NPAS3: variants seen among roughly 807,000 people sequenced by gnomAD.
NPAS3 encodes the protein neuronal PAS domain-containing protein 3.
In NPAS3, 14 loss-of-function variants were observed where a neutral mutation model predicts 73.1. The ratio of observed to expected loss-of-function variants is 0.19; its 90% CI spans 0.13 to 0.30. NPAS3 has a LOEUF of 0.30. Ranked by LOEUF, NPAS3 falls within the 10% of genes least tolerant of loss-of-function variation. The probability of loss-of-function intolerance (pLI) is 1.00; values close to 1 mark genes in which losing one functional copy is unlikely to be tolerated. For missense variants in NPAS3, 1,096 were observed against 1,250.0 expected, an observed-to-expected ratio of 0.88 and a Z score of 1.86; for synonymous variants, 620 against 541.5, an observed-to-expected ratio of 1.14 and a Z score of -2.01.
At chr14:33,036,468 A>T (rs1335743443) in intron 1 of NPAS3, among the ~76,000 whole-genome samples, 1 of 152,170 alleles carries the variant, frequency 6.6e-6, no homozygotes, top group Non-Finnish European at 1.5e-5. Context: ...ACACCTAAAG[A>T]TAGTAGAAAG....
At chr14:33,799,963 G>A (rs1318944037) in exon 12 of NPAS3, 5 of 1,613,966 alleles carry the variant, frequency 3.1e-6, no homozygotes, top group Middle Eastern at 3.3e-4. Context: ...CTCTGGGCGC[G>A]ATGCAGATCA....
chr14:33,197,215 C>T (rs1249408904), intron 2 of NPAS3, among the ~76,000 whole-genome samples: 42 of 148,398 alleles, frequency 2.8e-4, no homozygotes, highest in Admixed American at 2.8e-3. Flanking sequence ...AGCATGTCTG[C>T]TCTGGGATGC....
chr14:32,975,298 C>G (rs61980335), intron 1 of NPAS3, among the ~76,000 whole-genome samples: 3 of 17,438 alleles, frequency 1.7e-4, no homozygotes, highest in Non-Finnish European at 3.4e-4. Context: ...CCTTCCCTCC[C>G]TCCCTCCCTG....
chr14:32,987,066 C>T (rs2038129422), intron 1 of NPAS3, among the ~76,000 whole-genome samples: 3 of 152,106 alleles, frequency 2.0e-5, no homozygotes, highest in Admixed American at 2.0e-4. Flanking sequence ...AAACGTCTTT[C>T]ATGAAACTAT....
intron 4 of NPAS3, among the ~76,000 whole-genome samples, chr14:33,470,531 C>T (rs2050734344): frequency 6.6e-6 from 1 of 152,074 alleles, no homozygotes; most frequent in South Asian, 2.1e-4. Context: ...ATAGAAATAA[C>T]CAAGGAATAG....
intron 4 of NPAS3, among the ~76,000 whole-genome samples, chr14:33,455,768 A>G (rs1161615883): frequency 6.6e-6 from 1 of 152,220 alleles, no homozygotes; most frequent in Non-Finnish European, 1.5e-5. Context: ...ACATGATTAA[A>G]CAGGATGTTA....
In NPAS3 at chr14:33,112,152, C is replaced by T. The variant is rs2042917448; in HGVS notation, c.140+56158C>T. On this transcript the variant is annotated intron_variant, in intron 2 of 11. Transcript: ENST00000356141. ...CATACGTGTGCATGTGTCTTTATAG[C>T]AGCATGATTTATAATCCTTTGGGTA... is the stretch of plus-strand genomic sequence containing the variant. 2.0e-5 allele frequency among the ~76,000 whole-genome samples: 3 copies of T among 152,198 alleles called. No homozygotes were observed. The South Asian group carries it at 6.2e-4, about 32-fold the overall frequency.
chr14:33,758,849 G>T (rs185881526), intron 7 of NPAS3, among the ~76,000 whole-genome samples: 1 of 152,188 alleles, frequency 6.6e-6, no homozygotes, highest in Non-Finnish European at 1.5e-5. Context: ...TAATTTGAAG[G>T]TAATTTCCTG....
chr14:33,245,428 C>T (rs965029858), intron 3 of NPAS3, among the ~76,000 whole-genome samples: 2 of 152,252 alleles, frequency 1.3e-5, no homozygotes, highest in East Asian at 1.9e-4. Flanking sequence ...ACTTATATGA[C>T]GTAGGGTTCT....
intron 1 of NPAS3, among the ~76,000 whole-genome samples, chr14:33,026,449 C>T (rs1309836273): frequency 6.6e-6 from 1 of 152,156 alleles, no homozygotes; most frequent in Admixed American, 6.5e-5. Flanking sequence ...ATTCAGTTAA[C>T]TTCGGTTCAT....
intron 2 of NPAS3, among the ~76,000 whole-genome samples, chr14:33,203,381 G>A (rs867042893): frequency 6.6e-6 from 1 of 152,132 alleles, no homozygotes; most frequent in Admixed American, 6.5e-5. Flanking sequence ...TGTGCACAAT[G>A]TGCCAGTTAG....
intron 4 of NPAS3, among the ~76,000 whole-genome samples, chr14:33,422,702 T>C (rs1405735414): frequency 1.3e-5 from 2 of 151,896 alleles, no homozygotes; most frequent in Non-Finnish European, 1.5e-5. Context: ...GTTGAATGAA[T>C]TAACTTCTTA....
At chr14:33,451,826 A>G (rs776602793) in intron 4 of NPAS3, among the ~76,000 whole-genome samples, 3 of 152,198 alleles carry the variant, frequency 2.0e-5, no homozygotes, top group Non-Finnish European at 4.4e-5. Flanking sequence ...TAGAAGTTCT[A>G]TAGCAAGATT....
upstream of NPAS3, among the ~76,000 whole-genome samples, chr14:32,938,485 TTGAGAGAGAGAGAG>T (rs2035785349): frequency 2.8e-4 from 6 of 21,746 alleles, no homozygotes; most frequent in African/African-American, 1.3e-3. Flanking sequence ...GAGAGAGAAA[TTGAGAGAGAGAGAG>T]AGAGAGAGAG....
intron 5 of NPAS3, among the ~76,000 whole-genome samples, chr14:33,611,523 A>G (rs1333011850): frequency 6.7e-6 from 1 of 150,274 alleles, no homozygotes; most frequent in Non-Finnish European, 1.5e-5. Flanking sequence ...ATATAAAATG[A>G]AAGGGGAGTC....
intron 3 of NPAS3, among the ~76,000 whole-genome samples, chr14:33,265,532 G>T (rs913014981): frequency 1.3e-5 from 2 of 152,000 alleles, no homozygotes; most frequent in Admixed American, 1.3e-4. Flanking sequence ...AGCAAATAAA[G>T]TAAAAGCTAA....
chr14:33,162,655 T>C (rs1018903197), intron 2 of NPAS3, among the ~76,000 whole-genome samples: 2 of 151,314 alleles, frequency 1.3e-5, no homozygotes, highest in Admixed American at 1.3e-4. Context: ...AAACATCAAC[T>C]TTTCGTTAAA....
chr14:33,209,039 G>A (rs1281076691), intron 2 of NPAS3, among the ~76,000 whole-genome samples: 1 of 152,152 alleles, frequency 6.6e-6, no homozygotes, highest in African/African-American at 2.4e-5. Context: ...CATTAGTTAA[G>A]CAGCAGAGTT....
chr14:33,141,666 ATCC>A (rs1199802856), intron 2 of NPAS3, among the ~76,000 whole-genome samples: 6 of 152,234 alleles, frequency 3.9e-5, no homozygotes, highest in Non-Finnish European at 8.8e-5. Context: ...ATATACTATA[ATCC>A]TCTATGATTA....
Sources: allele counts gnomAD v4.1 joint callset (sites outside exome capture counted in the v4.1 genomes callset), GRCh38; gene constraint gnomAD v4.1.1; transcripts MANE v1.5; gene names NCBI Gene and HGNC (gene_info 2026-07-23, HGNC 2026-07-21).